Variants in OSBPL10 observed in about 807,000 individuals in gnomAD.
The protein encoded by OSBPL10 is oxysterol binding protein like 10, also known as oxysterol-binding protein-related protein 10.
OSBPL10 carries 49 observed loss-of-function variants against 81.7 expected under a neutral mutation model. The observed-to-expected ratio is 0.60, with a 90% confidence interval of 0.48 to 0.76. The LOEUF (loss-of-function observed/expected upper bound fraction) is 0.76, where lower values mean the gene tolerates loss of function less well. Ranked by LOEUF, OSBPL10 falls within the 30% of genes least tolerant of loss-of-function variation. OSBPL10 has a pLI of 0.00. For synonymous variants in OSBPL10, 419 were observed against 383.6 expected (o/e 1.09, Z -1.08); for missense variants, 923 against 987.8 (o/e 0.93, Z 0.88).
At chr3:31,992,193 T>A (rs1184955359) in intron 2 of OSBPL10, among the ~76,000 whole-genome samples, 1 of 151,244 alleles carries the variant, frequency 6.6e-6, no homozygotes, top group African/African-American at 2.4e-5. Flanking sequence ...GCAAAAAGTA[T>A]GGACACATAG....
chr3:31,711,010 G>A (rs1218060476), intron 6 of OSBPL10: 1 of 152,202 alleles, frequency 6.6e-6, no homozygotes, highest in Non-Finnish European at 1.5e-5. Flanking sequence ...CAACAGGCTG[G>A]TGTTCTGGTT....
At chr3:32,060,495 A>C (rs1002203733) in intron 1 of OSBPL10, among the ~76,000 whole-genome samples, 1 of 152,166 alleles carries the variant, frequency 6.6e-6, no homozygotes, top group African/African-American at 2.4e-5. Flanking sequence ...TCCAAACTTC[A>C]CCCACTGCTT....
chr3:31,894,221 G>A (rs1230896739), intron 1 of OSBPL10, among the ~76,000 whole-genome samples: 2 of 152,192 alleles, frequency 1.3e-5, no homozygotes, highest in Non-Finnish European at 2.9e-5. Flanking sequence ...AGTTGGAGAT[G>A]TGAATTTGCA....
intron 1 of OSBPL10, among the ~76,000 whole-genome samples, chr3:31,975,217 G>T (rs1265465102): frequency 6.6e-6 from 1 of 152,134 alleles, no homozygotes; most frequent in East Asian, 1.9e-4. Flanking sequence ...TACCATCAAT[G>T]AAACTAGTTA....
At chr3:32,060,126 C>T (rs1559556767) in intron 1 of OSBPL10, among the ~76,000 whole-genome samples, 1 of 151,798 alleles carries the variant, frequency 6.6e-6, no homozygotes, top group Non-Finnish European at 1.5e-5. Flanking sequence ...TTTCTGTATG[C>T]ACCTTTTCTG....
At chr3:31,716,270 T>C (rs931955754) in intron 6 of OSBPL10, among the ~76,000 whole-genome samples, 2 of 152,226 alleles carry the variant, frequency 1.3e-5, no homozygotes, top group African/African-American at 4.8e-5. Flanking sequence ...ATTGTACAGT[T>C]CCATGAATTT....
chr3:32,001,958 T>C (rs1699153336), intron 2 of OSBPL10, among the ~76,000 whole-genome samples: 1 of 152,188 alleles, frequency 6.6e-6, no homozygotes, highest in Admixed American at 6.5e-5. Context: ...CATCTTCATT[T>C]TGAGATGAGG....
At chr3:31,951,706 G>T (rs1559529788) in intron 1 of OSBPL10, among the ~76,000 whole-genome samples, 1 of 150,424 alleles carries the variant, frequency 6.6e-6, no homozygotes, top group African/African-American at 2.4e-5. Context: ...ATATATAAAT[G>T]TTAATTTAAA....
rs1306473764 is a variant in OSBPL10, at chr3:31,930,003, C to CAAACAAAAAAAAAAAAA, written c.282-50174_282-50173insTTTTTTTTTTTTTGTTT. On this transcript the variant is annotated intron_variant, in intron 1 of 11. Transcript: ENST00000396556. ...GATCAAGTGAGACCCTGTCACCAAC[C>CAAACAAAAAAAAAAAAA]AAAAAAAAAAAAAAAAAAAAAAACA... is the stretch of plus-strand genomic sequence containing the variant. Among the ~76,000 whole-genome samples the CAAACAAAAAAAAAAAAA allele has an allele frequency of 3.0e-4, 22 of 72,558 alleles. 6 individuals carry two copies. The highest frequency in any genetic ancestry group is 1.1e-3 in the South Asian group (2 of 1,868). 47.6% of individuals were successfully genotyped at this position (72,558 alleles called of 152,430 possible).
chr3:32,065,937 GAAGAAAGAAGAAAGAAAGAAAGA>G (rs1418308509), intron 1 of OSBPL10, among the ~76,000 whole-genome samples: 4 of 52,678 alleles, frequency 7.6e-5, no homozygotes, highest in African/African-American at 1.4e-4. Flanking sequence ...AAGAAGGAAA[GAAGAAAGAAGAAAGAAAGAAAGA>G]AAGAAAGAAA....
chr3:31,919,862 T>C (rs951043901), intron 1 of OSBPL10, among the ~76,000 whole-genome samples: 1 of 152,238 alleles, frequency 6.6e-6, no homozygotes, highest in Non-Finnish European at 1.5e-5. Context: ...GAAAGCACTT[T>C]TTTATTAGAG....
chr3:31,736,009 G>A (rs1421047157), intron 5 of OSBPL10, among the ~76,000 whole-genome samples: 2 of 152,168 alleles, frequency 1.3e-5, no homozygotes, highest in East Asian at 3.9e-4. Flanking sequence ...ATCGGAGACA[G>A]AAAACTTTAA....
intron 8 of OSBPL10, among the ~76,000 whole-genome samples, chr3:31,683,356 T>TGTGC (rs1478419491): frequency 1.3e-5 from 2 of 152,172 alleles, no homozygotes; most frequent in Non-Finnish European, 1.5e-5. Context: ...ACCTGTAAGG[T>TGTGC]GTGCACGCAC....
At chr3:31,999,417 A>G (rs1042684383) in intron 2 of OSBPL10, among the ~76,000 whole-genome samples, 2 of 150,030 alleles carry the variant, frequency 1.3e-5, no homozygotes, top group African/African-American at 5.0e-5. Flanking sequence ...CTGGAGTACA[A>G]TGGCACAATC....
chr3:31,809,167 C>T (rs1699600821), intron 4 of OSBPL10, among the ~76,000 whole-genome samples: 2 of 152,152 alleles, frequency 1.3e-5, no homozygotes, highest in Non-Finnish European at 2.9e-5. Context: ...TCAATATTCG[C>T]AACGGATGAG....
At chr3:31,884,237 C>A (rs1266633443) in intron 1 of OSBPL10, among the ~76,000 whole-genome samples, 3 of 152,150 alleles carry the variant, frequency 2.0e-5, no homozygotes, top group African/African-American at 7.2e-5. Context: ...CTTTAACTTT[C>A]TGCCTCAGAT....
intron 1 of OSBPL10, among the ~76,000 whole-genome samples, chr3:31,885,119 G>T (rs1274948858): frequency 6.6e-6 from 1 of 152,084 alleles, no homozygotes; most frequent in Non-Finnish European, 1.5e-5. Context: ...ACATCCTTCA[G>T]ATATATCCAT....
At chr3:31,989,907 T>C (rs1440190095) in intron 2 of OSBPL10, 15 of 1,614,170 alleles carry the variant, frequency 9.3e-6, no homozygotes, top group Non-Finnish European at 1.3e-5. Context: ...TTGCATGCCA[T>C]CATAGATGTC....
intron 11 of OSBPL10, chr3:31,663,193 C>A (rs1254408738): frequency 1.0e-6 from 1 of 985,250 alleles, no homozygotes; most frequent in African/African-American, 1.7e-5. Context: ...CCCACAGATA[C>A]ATTTTGATTG....
Sources: gnomAD v4.1 joint callset for allele counts (sites outside exome capture counted in the v4.1 genomes callset) on GRCh38, gnomAD v4.1.1 for gene constraint, MANE v1.5 for transcripts, NCBI Gene and HGNC (gene_info 2026-07-23, HGNC 2026-07-21) for gene names.